ACACA: variants seen among roughly 807,000 people sequenced by gnomAD.
ACACA encodes acetyl-CoA carboxylase alpha.
In ACACA, 103 loss-of-function variants were observed where a neutral mutation model predicts 296.1. That is an observed-to-expected ratio of 0.35 (90% CI 0.30 to 0.41). The LOEUF is 0.41. ACACA is among the 10% of genes least tolerant of loss of function. The probability of loss-of-function intolerance (pLI) is 1.00; values close to 1 mark genes in which losing one functional copy is unlikely to be tolerated. For synonymous variants in ACACA, 953 were observed against 1,038.6 expected, an observed-to-expected ratio of 0.92 and a Z score of 1.58; for missense variants, 1,554 against 2,989.7, an observed-to-expected ratio of 0.52 and a Z score of 11.20.
intron 1 of ACACA, among the ~76,000 whole-genome samples, chr17:37,396,578 AC>A (rs2051089213): frequency 6.6e-6 from 1 of 151,340 alleles, no homozygotes; most frequent in South Asian, 2.1e-4. Flanking sequence ...CATATCTCCT[AC>A]CCCCTCCTAT....
chr17:37,394,696 G>A (rs1166543119), intron 1 of ACACA, among the ~76,000 whole-genome samples: 21 of 146,020 alleles, frequency 1.4e-4, no homozygotes, highest in Non-Finnish European at 2.8e-4. Context: ...CTAACACGGC[G>A]AAACCCTATC....
At chr17:37,158,325 A>T (rs1267199527) in intron 42 of ACACA, among the ~76,000 whole-genome samples, 1 of 152,150 alleles carries the variant, frequency 6.6e-6, no homozygotes, top group Non-Finnish European at 1.5e-5. Context: ...CATGAAACTT[A>T]AAGCTTTAAA....
intron 52 of ACACA, among the ~76,000 whole-genome samples, chr17:37,105,671 C>CCTGG (rs1489764757): frequency 6.6e-6 from 1 of 151,878 alleles, no homozygotes; most frequent in Non-Finnish European, 1.5e-5. Flanking sequence ...TCAAGACCAT[C>CCTGG]CTGGCCAACA....
chr17:37,393,116 C>A lies in ACACA; in HGVS notation c.38+13146G>T, dbSNP rs537641690. Among the ~76,000 whole-genome samples, 27 of 149,646 alleles carry A rather than the reference C, an allele frequency of 1.8e-4. 2 individuals carry two copies. In the South Asian group the frequency reaches 5.8e-3, roughly 32 times the overall value. Reference sequence around the variant, plus strand: ...CCGAGATCTCACCATTGCACTCTAGCCTGAGTGACAGGAGCAAAACTCCAT... The same window carrying A: ...CCGAGATCTCACCATTGCACTCTAGACTGAGTGACAGGAGCAAAACTCCAT... On this transcript the variant is annotated intron_variant, in intron 1 of 55. Transcript: ENST00000616317.
At chr17:37,274,107 A>G (rs2082176178) in intron 9 of ACACA, 86 bp downstream of exon 9, 5 of 1,129,630 alleles carry the variant, frequency 4.4e-6, no homozygotes, top group East Asian at 2.4e-5. Flanking sequence ...CCTTGGGTAT[A>G]TATCACGAGC....
At chr17:37,233,599 TG>T (rs935333478) in intron 25 of ACACA, among the ~76,000 whole-genome samples, 1 of 152,184 alleles carries the variant, frequency 6.6e-6, no homozygotes, top group Non-Finnish European at 1.5e-5. Context: ...AGGTCCAAAC[TG>T]ACAGATTCTC....
intron 41 of ACACA, among the ~76,000 whole-genome samples, chr17:37,171,218 T>C (rs952486269): frequency 6.6e-6 from 1 of 152,180 alleles, no homozygotes; most frequent in South Asian, 2.1e-4. Flanking sequence ...ATTCTGCTAA[T>C]GCCAGGAAGA....
At chr17:37,356,155 G>A (rs1482190073) in intron 1 of ACACA, among the ~76,000 whole-genome samples, 2 of 152,060 alleles carry the variant, frequency 1.3e-5, no homozygotes, top group Admixed American at 6.6e-5. Flanking sequence ...GCAAAAGAGC[G>A]AGACTCCGAC....
At chr17:37,141,996 T>C (rs954126472) in intron 45 of ACACA, among the ~76,000 whole-genome samples, 3 of 117,906 alleles carry the variant, frequency 2.5e-5, no homozygotes, top group African/African-American at 9.6e-5. Flanking sequence ...TGGCCAAGTT[T>C]TTTTTGTTTT....
At chr17:37,148,416 G>C (rs1048531000) in intron 45 of ACACA, among the ~76,000 whole-genome samples, 9 of 152,146 alleles carry the variant, frequency 5.9e-5, no homozygotes, top group African/African-American at 2.2e-4. Flanking sequence ...GCCCAGAGGA[G>C]GATACAGAGT....
At chr17:37,242,188 G>A in intron 22 of ACACA, 135 bp from the exon 23 acceptor site, 1 of 731,608 alleles carries the variant, frequency 1.4e-6, no homozygotes, top group Non-Finnish European at 2.4e-6. Flanking sequence ...GGCAGCAGCT[G>A]GAAGTTACCA....
intron 46 of ACACA, 74 bp downstream of exon 46, chr17:37,130,001 A>C: frequency 6.3e-7 from 1 of 1,576,958 alleles, no homozygotes; most frequent in Non-Finnish European, 8.7e-7. Flanking sequence ...AAGACCTTAA[A>C]CACAGAGGCA....
At chr17:37,223,748 C>T in intron 27 of ACACA, 147 bp from the exon 28 acceptor site, 1 of 677,304 alleles carries the variant, frequency 1.5e-6, no homozygotes, top group Non-Finnish European at 2.7e-6. Context: ...TCCTGAGCTA[C>T]AAAATGGAGA....
At chr17:37,193,306 T>A (rs941857096) in intron 36 of ACACA, 68 bp downstream of exon 36, 132 of 1,221,198 alleles carry the variant, frequency 1.1e-4, no homozygotes, top group Non-Finnish European at 1.0e-4. Context: ...ATGGCAAAGA[T>A]AAGCCGCTCT....
intron 1 of ACACA, among the ~76,000 whole-genome samples, chr17:37,383,859 C>A (rs113424662): frequency 2.0e-5 from 3 of 152,110 alleles, no homozygotes; most frequent in Non-Finnish European, 4.4e-5. Context: ...TCCAAAACAA[C>A]CAATTTATGT....
intron 1 of ACACA, among the ~76,000 whole-genome samples, chr17:37,406,054 T>C (rs1299651637): frequency 6.6e-6 from 1 of 152,152 alleles, no homozygotes. Flanking sequence ...CAGTACTTCC[T>C]AGCAGTGTGA....
intron 29 of ACACA, among the ~76,000 whole-genome samples, chr17:37,213,804 CAG>C (rs2078864303): frequency 8.0e-6 from 1 of 124,224 alleles, no homozygotes; most frequent in Admixed American, 8.2e-5. Context: ...AATGCAAAGT[CAG>C]AGTTGCCGCT....
chr17:37,259,840 C>G (rs1207171116), intron 11 of ACACA, among the ~76,000 whole-genome samples: 1 of 151,808 alleles, frequency 6.6e-6, no homozygotes, highest in Non-Finnish European at 1.5e-5. Flanking sequence ...CAATATGCTC[C>G]TCTTCTTCCT....
At chr17:37,361,699 G>A (rs187211062) in intron 1 of ACACA, among the ~76,000 whole-genome samples, 40 of 152,310 alleles carry the variant, frequency 2.6e-4, no homozygotes, top group African/African-American at 8.4e-4. Flanking sequence ...TGAGTGTTAC[G>A]GTGTTTGGTG....
Sources: allele counts gnomAD v4.1 joint callset (sites outside exome capture counted in the v4.1 genomes callset), GRCh38; gene constraint gnomAD v4.1.1; transcripts MANE v1.5; gene names NCBI Gene and HGNC (gene_info 2026-07-23, HGNC 2026-07-21).